Variants in ANKMY2 observed in about 807,000 individuals in gnomAD.
The protein encoded by ANKMY2 is ankyrin repeat and MYND domain-containing protein 2.
In ANKMY2, 36 loss-of-function variants were observed where a neutral mutation model predicts 50.4. The ratio of observed to expected loss-of-function variants is 0.71; its 90% CI spans 0.55 to 0.94. The LOEUF is 0.94. Ranked by LOEUF, ANKMY2 falls within the 40% of genes least tolerant of loss-of-function variation. The probability of loss-of-function intolerance (pLI) is 0.00; values close to 1 mark genes in which losing one functional copy is unlikely to be tolerated. For missense variants in ANKMY2, 565 were observed against 524.0 expected (o/e 1.08, Z -0.76); for synonymous variants, 187 against 178.8 (o/e 1.05, Z -0.36).
intron 7 of ANKMY2, among the ~76,000 whole-genome samples, chr7:16,607,143 C>G (rs1282197533): frequency 2.0e-5 from 3 of 152,176 alleles, no homozygotes; most frequent in African/African-American, 7.2e-5. Context: ...GTCTTCCAGA[C>G]AGAAGAACAT....
Position 16,604,814 on chromosome 7 carries a change from T to G in ANKMY2, c.918A>C (p.Gln306His). The G allele has an allele frequency of 6.2e-7, 1 of 1,614,016 alleles. No homozygotes were observed. The highest frequency in any genetic ancestry group is 8.5e-7 in the Non-Finnish European group (1 of 1,179,934). The change falls in exon 8 of 10, where the codon CAA (glutamine) becomes CAC (histidine). Residue 306 changes from glutamine (Q) to histidine (H), a missense_variant. Gln to His is a conservative substitution (Grantham distance 24, BLOSUM62 0). Transcript: ENST00000306999. ...CAAAACCCACCTGGCCAGTGATGGC[T>G]TGGGTAAGGACGGAGAATGCAGTGG... The part of the protein sequence containing the change: ...SDPTAFSVLT[Q>H]AITGQVGFVD...
chr7:16,610,801 A>G (rs1012525327), intron 5 of ANKMY2, 38 bp from the exon 6 acceptor site: 23 of 1,577,764 alleles, frequency 1.5e-5, no homozygotes, highest in Non-Finnish European at 2.0e-5. Flanking sequence ...ATTAAAGGAG[A>G]CACTTGTTCA....
chr7:16,616,467 T>C (rs1265130878), intron 4 of ANKMY2, among the ~76,000 whole-genome samples: 11 of 151,796 alleles, frequency 7.2e-5, no homozygotes, highest in Non-Finnish European at 1.6e-4. Context: ...TGGCTTTGCA[T>C]AGAATTCCAA....
intron 9 of ANKMY2, among the ~76,000 whole-genome samples, chr7:16,601,372 A>T (rs1781061959): frequency 1.3e-5 from 2 of 152,282 alleles, no homozygotes; most frequent in Admixed American, 1.3e-4. Context: ...TGTCTGTAAC[A>T]TTTAGAGCAG....
chr7:16,636,700 T>C (rs1288247045), intron 1 of ANKMY2, among the ~76,000 whole-genome samples: 1 of 152,142 alleles, frequency 6.6e-6, no homozygotes, highest in Admixed American at 6.5e-5. Flanking sequence ...TTAAAGTATA[T>C]TACATTGGCC....
chr7:16,603,804 GACA>G, intron 8 of ANKMY2: 1 of 439,618 alleles, frequency 2.3e-6, no homozygotes, highest in South Asian at 1.6e-5. Flanking sequence ...CTATTGCCAT[GACA>G]ACATGCTCAG....
intron 5 of ANKMY2, among the ~76,000 whole-genome samples, chr7:16,613,325 A>C (rs890822563): frequency 1.3e-5 from 2 of 152,202 alleles, no homozygotes; most frequent in African/African-American, 4.8e-5. Context: ...TTAACATTAC[A>C]CAGTGGTTAT....
At chr7:16,608,574 G>A (rs942036542) in intron 7 of ANKMY2, among the ~76,000 whole-genome samples, 1 of 152,126 alleles carries the variant, frequency 6.6e-6, no homozygotes, top group Non-Finnish European at 1.5e-5. Flanking sequence ...TTTGCCAGAG[G>A]GAGGGAGGAA....
intron 7 of ANKMY2, among the ~76,000 whole-genome samples, chr7:16,607,107 G>A (rs7788389): frequency 0.25 from 37,302 of 152,132 alleles, 4,807 homozygotes; most frequent in East Asian, 0.48. Context: ...GCTGTGATAC[G>A]CACAATCACA....
At chr7:16,643,874 A>G (rs1781778250) in intron 1 of ANKMY2, among the ~76,000 whole-genome samples, 1 of 151,874 alleles carries the variant, frequency 6.6e-6, no homozygotes, top group South Asian at 2.1e-4. Flanking sequence ...CAAAAAAAAA[A>G]AAAAAATCTT....
chr7:16,621,067 G>A (rs1314055438), intron 4 of ANKMY2, among the ~76,000 whole-genome samples: 1 of 152,040 alleles, frequency 6.6e-6, no homozygotes, highest in Non-Finnish European at 1.5e-5. Context: ...AATTCAAATA[G>A]AAATCAAGAT....
chr7:16,603,611 T>G (rs535864148), intron 8 of ANKMY2: 1 of 471,208 alleles, frequency 2.1e-6, no homozygotes, highest in East Asian at 6.9e-5. Flanking sequence ...CAATTCTTCA[T>G]TCATCCTTGC....
chr7:16,610,794 A>G, intron 5 of ANKMY2, 31 bp from the exon 6 acceptor site: 1 of 1,592,050 alleles, frequency 6.3e-7, no homozygotes, highest in Non-Finnish European at 8.6e-7. Context: ...CTCAGGTATT[A>G]AAGGAGACAC....
intron 4 of ANKMY2, among the ~76,000 whole-genome samples, chr7:16,620,131 G>A (rs576375962): frequency 6.6e-6 from 1 of 152,290 alleles, no homozygotes; most frequent in South Asian, 2.1e-4. Context: ...ATTTGAAAAG[G>A]TCCTATAACC....
chr7:16,624,012 T>C (rs960462134), intron 4 of ANKMY2, among the ~76,000 whole-genome samples: 4 of 152,138 alleles, frequency 2.6e-5, no homozygotes, highest in African/African-American at 9.7e-5. Context: ...CCCCCTTGAA[T>C]TGGACAGATC....
At chr7:16,632,544 A>T (rs1781603899) in intron 2 of ANKMY2, among the ~76,000 whole-genome samples, 1 of 152,172 alleles carries the variant, frequency 6.6e-6, no homozygotes. Flanking sequence ...ACTTAGCATT[A>T]ATGTTTTCAA....
chr7:16,623,734 G>C (rs533484012), intron 4 of ANKMY2, among the ~76,000 whole-genome samples: 23 of 152,142 alleles, frequency 1.5e-4, no homozygotes, highest in Non-Finnish European at 2.9e-4. Flanking sequence ...AACTGAGATG[G>C]GGCAACTTGG....
intron 1 of ANKMY2, among the ~76,000 whole-genome samples, chr7:16,642,322 T>C (rs1156346029): frequency 1.3e-5 from 2 of 152,218 alleles, no homozygotes; most frequent in Non-Finnish European, 2.9e-5. Context: ...ACAAGTCATA[T>C]AAGCCAGTTA....
chr7:16,603,642 G>A (rs1781106116), intron 8 of ANKMY2: 1 of 471,044 alleles, frequency 2.1e-6, no homozygotes. Context: ...TTTCTCACAT[G>A]ATTTCAAAGT....
Sources: allele counts gnomAD v4.1 joint callset (sites outside exome capture counted in the v4.1 genomes callset), GRCh38; gene constraint gnomAD v4.1.1; transcripts MANE v1.5; gene names NCBI Gene and HGNC (gene_info 2026-07-23, HGNC 2026-07-21).